Variants in BAG4 observed in about 807,000 individuals in gnomAD.
The protein encoded by BAG4 is BAG cochaperone 4, also known as BAG family molecular chaperone regulator 4.
A neutral mutation model predicts 52.1 loss-of-function variants in BAG4; 28 were observed. The observed-to-expected ratio is 0.54, with a 90% CI of 0.40 to 0.74. The LOEUF (loss-of-function observed/expected upper bound fraction) is 0.74, where lower values mean the gene tolerates loss of function less well. Among genes scored for constraint, BAG4 ranks in the 30% least tolerant of loss-of-function variants. The pLI is 0.00. For missense variants in BAG4, 525 were observed against 572.0 expected, an observed-to-expected ratio of 0.92 and a Z score of 0.84; for synonymous variants, 208 against 217.0, an observed-to-expected ratio of 0.96 and a Z score of 0.37.
chr8:38,198,655 AT>A (rs1180981462), intron 2 of BAG4, among the ~76,000 whole-genome samples: 2 of 151,176 alleles, frequency 1.3e-5, no homozygotes, highest in African/African-American at 4.9e-5. Flanking sequence ...CGCCCGGCTA[AT>A]TTTTTGTATT....
chr8:38,188,274 T>A (rs1232906244), intron 1 of BAG4, among the ~76,000 whole-genome samples: 2 of 151,558 alleles, frequency 1.3e-5, no homozygotes, highest in African/African-American at 4.8e-5. Flanking sequence ...TAAATGTGCA[T>A]GGATTAAGCA....
intron 2 of BAG4, among the ~76,000 whole-genome samples, chr8:38,205,460 G>C (rs911766823): frequency 1.9e-4 from 29 of 152,080 alleles, no homozygotes; most frequent in African/African-American, 7.0e-4. Context: ...AATTTTGTGT[G>C]ATTGTAAATA....
Position 38,177,250 on chromosome 8 carries a change from G to C in BAG4, c.270+111G>C, listed in dbSNP as rs550710106. ...CCTTATGTGGAGGAGGGTGTGTTGC[G>C]GGGGGTGTTGGAGAGACCGAGACTA... On this transcript the variant is annotated intron_variant, in intron 1 of 4. Transcript: ENST00000287322. The C allele has an allele frequency of 4.2e-6, 6 of 1,426,408 alleles. No homozygotes were observed. The African/African-American group carries it at 7.2e-5, about 17-fold the overall frequency. The allele number at this position is 1,426,408 out of a possible 1,614,324, so 88.4% of individuals were successfully genotyped here. A position where few individuals can be genotyped will look rare whatever the true frequency, so the allele number is the denominator to read the frequency against.
At chr8:38,196,327 C>G (rs1480643998) in intron 2 of BAG4, among the ~76,000 whole-genome samples, 5 of 152,108 alleles carry the variant, frequency 3.3e-5, no homozygotes, top group African/African-American at 1.2e-4. Context: ...TCTGATTTCT[C>G]CACATCCTTA....
chr8:38,188,650 T>C (rs368035805), intron 1 of BAG4, among the ~76,000 whole-genome samples: 5 of 686 alleles, frequency 7.3e-3, no homozygotes, highest in Admixed American at 0.013. Context: ...TATACATGTA[T>C]ACATATATAC....
intron 2 of BAG4, among the ~76,000 whole-genome samples, chr8:38,197,465 TAACAA>T (rs1196671798): frequency 6.6e-6 from 1 of 152,104 alleles, no homozygotes; most frequent in Non-Finnish European, 1.5e-5. Flanking sequence ...AGATAAAAGA[TAACAA>T]AATATTATAT....
intron 1 of BAG4, among the ~76,000 whole-genome samples, chr8:38,187,961 C>T (rs953924707): frequency 7.1e-5 from 10 of 140,094 alleles, no homozygotes; most frequent in African/African-American, 1.0e-4. Context: ...GGCATGAACC[C>T]GGGAGGCGGA....
At chr8:38,200,352 ACT>A (rs764126529) in intron 2 of BAG4, among the ~76,000 whole-genome samples, 1 of 151,914 alleles carries the variant, frequency 6.6e-6, no homozygotes, top group East Asian at 1.9e-4. Context: ...TTATTTCCAG[ACT>A]CTCAATTCTG....
chr8:38,194,855 T>G lies in BAG4; in HGVS notation c.378+2060T>G, dbSNP rs536143201. On this transcript the variant is annotated intron_variant, in intron 2 of 4. Coordinates refer to ENST00000287322, the MANE Select transcript of BAG4 (RefSeq NM_004874.4). ...CTGGGGTGTTTTTTTTTGTTTTTTT[T>G]TTTTTTTGTTTTTTTTTTTGGCCGA... Among the ~76,000 whole-genome samples, 346 of 149,424 alleles carry G rather than the reference T, an allele frequency of 2.3e-3. 13 individuals carry two copies. In the East Asian group the frequency reaches 0.061, roughly 26 times the overall value.
At chr8:38,184,744 A>T (rs1803334843) in intron 1 of BAG4, among the ~76,000 whole-genome samples, 1 of 152,128 alleles carries the variant, frequency 6.6e-6, no homozygotes, top group African/African-American at 2.4e-5. Context: ...CAAGCTGGGG[A>T]GGGAGAAAGG....
chr8:38,207,815 T>C (rs1803798783), intron 3 of BAG4, 49 bp downstream of exon 3: 1 of 1,598,648 alleles, frequency 6.3e-7, no homozygotes, highest in African/African-American at 1.3e-5. Flanking sequence ...TCTCTGCCTC[T>C]TGTAAACAGT....
intron 2 of BAG4, among the ~76,000 whole-genome samples, chr8:38,196,510 G>A (rs963487549): frequency 7.2e-5 from 11 of 151,970 alleles, no homozygotes; most frequent in African/African-American, 1.7e-4. Flanking sequence ...AAAATTAGCC[G>A]GGCGTGGTGG....
chr8:38,188,643 A>G (rs1283053502), intron 1 of BAG4, among the ~76,000 whole-genome samples: 1 of 162 alleles, frequency 6.2e-3, no homozygotes, highest in Non-Finnish European at 0.036. Context: ...ATACATATAT[A>G]CATGTATACA....
At chr8:38,191,760 C>CAAAAA in intron 1 of BAG4, among the ~76,000 whole-genome samples, 1 of 72,616 alleles carries the variant, frequency 1.4e-5, no homozygotes, top group African/African-American at 5.5e-5. Context: ...AACTCTGTCT[C>CAAAAA]AAAAAAAAAA....
chr8:38,186,554 A>T (rs1035866598), intron 1 of BAG4, among the ~76,000 whole-genome samples: 3 of 152,226 alleles, frequency 2.0e-5, no homozygotes, highest in African/African-American at 7.2e-5. Flanking sequence ...AGGATAAACT[A>T]GTAGGCCAGC....
chr8:38,195,629 G>A (rs1803550504), intron 2 of BAG4, among the ~76,000 whole-genome samples: 2 of 152,144 alleles, frequency 1.3e-5, no homozygotes, highest in South Asian at 4.1e-4. Flanking sequence ...GGATGAGGTT[G>A]ATCAGAGATA....
chr8:38,194,748 A>G (rs1010272793), intron 2 of BAG4, among the ~76,000 whole-genome samples: 1 of 150,312 alleles, frequency 6.7e-6, no homozygotes, highest in Admixed American at 6.6e-5. Flanking sequence ...CAGCCAAATT[A>G]CTTTTCAAAA....
intron 2 of BAG4, among the ~76,000 whole-genome samples, chr8:38,197,202 A>C (rs2130679496): frequency 6.6e-6 from 1 of 152,366 alleles, no homozygotes; most frequent in Non-Finnish European, 1.5e-5. Flanking sequence ...TCATTGCTTA[A>C]TAATGGGGAT....
intron 1 of BAG4, among the ~76,000 whole-genome samples, chr8:38,182,464 G>A (rs558668802): frequency 1.4e-4 from 22 of 152,242 alleles, no homozygotes; most frequent in African/African-American, 5.1e-4. Context: ...CTTCAGCTGG[G>A]ATTATTTATT....
Sources: allele counts gnomAD v4.1 joint callset (sites outside exome capture counted in the v4.1 genomes callset), GRCh38; gene constraint gnomAD v4.1.1; transcripts MANE v1.5; gene names NCBI Gene and HGNC (gene_info 2026-07-23, HGNC 2026-07-21).